The following TESMIN variants were observed in gnomAD, a reference collection of about 807,000 sequenced individuals.
TESMIN encodes testis expressed metallothionein like protein.
In TESMIN, 34 loss-of-function variants were observed where a neutral mutation model predicts 47.4. That is an observed-to-expected ratio of 0.72 (90% CI 0.55 to 0.96). The LOEUF is 0.96. TESMIN is among the 40% of genes least tolerant of loss of function. The pLI is 0.00. For missense variants in TESMIN, 610 were observed against 637.2 expected (o/e 0.96, Z 0.46); for synonymous variants, 278 against 258.9 (o/e 1.07, Z -0.71).
At chr11:68,711,927 C>T (rs1374905163) in intron 8 of TESMIN, among the ~76,000 whole-genome samples, 6 of 152,252 alleles carry the variant, frequency 3.9e-5, no homozygotes, top group African/African-American at 1.2e-4. Flanking sequence ...CAGGGGCTGA[C>T]CAAGAGCTGG....
intron 3 of TESMIN, among the ~76,000 whole-genome samples, chr11:68,746,640 G>C (rs1353559441): frequency 2.0e-5 from 3 of 152,176 alleles, no homozygotes; most frequent in Non-Finnish European, 4.4e-5. Flanking sequence ...TGGAGTCCCA[G>C]ATGCACCACT....
At chr11:68,719,446 G>A (rs548885831) in intron 6 of TESMIN, among the ~76,000 whole-genome samples, 14 of 152,308 alleles carry the variant, frequency 9.2e-5, no homozygotes, top group African/African-American at 3.4e-4. Context: ...TGTGTTGGTA[G>A]GGGTTGGTGT....
At chr11:68,720,113 A>T (rs1287477922) in intron 6 of TESMIN, among the ~76,000 whole-genome samples, 1 of 152,232 alleles carries the variant, frequency 6.6e-6, no homozygotes, top group Non-Finnish European at 1.5e-5. Context: ...CTGTTTTCAA[A>T]GCATTGGCAG....
chr11:68,709,689 G>C (rs1438064580), intron 9 of TESMIN, among the ~76,000 whole-genome samples: 4 of 152,204 alleles, frequency 2.6e-5, no homozygotes, highest in Admixed American at 6.5e-5. Flanking sequence ...CGATGACTTT[G>C]GTTGAAGAAG....
intron 6 of TESMIN, chr11:68,736,897 A>T (rs1367090200): frequency 1.0e-6 from 1 of 985,428 alleles, no homozygotes; most frequent in Admixed American, 6.1e-5. Context: ...AAACGCTGTC[A>T]TGACTGCTGC....
At chr11:68,742,273 A>C in intron 5 of TESMIN, 45 bp downstream of exon 5, 1 of 1,166,708 alleles carries the variant, frequency 8.6e-7, no homozygotes, top group Non-Finnish European at 1.2e-6. Context: ...ATTTTAAGAG[A>C]CAATAATGCA....
chr11:68,721,557 C>T (rs760602421), intron 6 of TESMIN, among the ~76,000 whole-genome samples: 12 of 152,084 alleles, frequency 7.9e-5, no homozygotes, highest in Admixed American at 1.3e-4. Context: ...GGGCAGGGAC[C>T]GTAACTCTCT....
intron 8 of TESMIN, among the ~76,000 whole-genome samples, chr11:68,712,044 T>C (rs1247083417): frequency 6.6e-6 from 1 of 152,236 alleles, no homozygotes; most frequent in Non-Finnish European, 1.5e-5. Context: ...ATGCGTTCTG[T>C]TTCATCTGCA....
At chr11:68,736,085 CACA>C in intron 6 of TESMIN, 1 of 985,298 alleles carries the variant, frequency 1.0e-6, no homozygotes, top group South Asian at 4.7e-5. Context: ...CAAACTACAC[CACA>C]ACAAGATAAC....
chr11:68,747,124 G>A (rs1477872565), intron 3 of TESMIN, 84 bp downstream of exon 3: 1 of 1,456,816 alleles, frequency 6.9e-7, no homozygotes, highest in Non-Finnish European at 9.6e-7. Context: ...TGAAAAACGA[G>A]TGAAATGATC....
chr11:68,750,599 A>G lies in TESMIN; in HGVS notation c.62T>C (p.Leu21Pro), dbSNP rs769482561. ...AGCGAACGGACCCTCGGGGCTTAAGAGCTCCGTCACCATCGCATCCTCGGG... is the reference window on the plus strand; with the variant it reads ...AGCGAACGGACCCTCGGGGCTTAAGGGCTCCGTCACCATCGCATCCTCGGG... ...PSPEDAMVTE[L>P]LSPEGPFASE... The change falls in exon 2 of 10, where the codon CTC becomes CCC. Residue 21 changes from leucine to proline, a missense_variant. Coordinates refer to ENST00000255087, the MANE Select transcript of TESMIN (RefSeq NM_004923.3). The G allele has an allele frequency of 6.9e-5, 111 of 1,601,624 alleles. No individual in the cohort carries two copies. The African/African-American group carries it at 1.4e-3, about 21-fold the overall frequency.
At position 68,707,906 on chromosome 11, in the gene TESMIN, A is replaced by G; in HGVS notation, c.*402T>C. ...AACCATTAGGGTTTTCATGCAGAGC[A>G]GCCTCCAGAGCAACATTCTCTGAGA... On this transcript the variant is annotated 3_prime_UTR_variant, in exon 10 of 10. Transcript: ENST00000255087. 1 of 461,998 alleles carries G rather than the reference A, an allele frequency of 2.2e-6. No individual in the cohort carries two copies. The highest frequency in any genetic ancestry group is 4.3e-6 in the Non-Finnish European group (1 of 231,030). 28.6% of individuals were successfully genotyped at this position (461,998 alleles called of 1,614,324 possible).
At chr11:68,708,770 T>TC (rs1404050408) in intron 9 of TESMIN, among the ~76,000 whole-genome samples, 2 of 151,730 alleles carry the variant, frequency 1.3e-5, no homozygotes, top group Non-Finnish European at 2.9e-5. Flanking sequence ...TTTTTTTTTT[T>TC]TGATACTGAG....
chr11:68,717,000 G>A (rs951905414), intron 6 of TESMIN, among the ~76,000 whole-genome samples: 3 of 152,184 alleles, frequency 2.0e-5, no homozygotes, highest in African/African-American at 7.2e-5. Context: ...TGGGAATCGT[G>A]GTGCTCAGCC....
Position 68,715,931 on chromosome 11 carries a change from T to C in TESMIN, c.926A>G (p.Asp309Gly). ...GCAAAAGTCCCCACTGGCAAAGCAG[T>C]CACAGTACCTGTGAAGGAAAGGACA... is the stretch of plus-strand genomic sequence containing the variant. ...PPKITLAGYC[D>G]CFASGDFCNN... The change falls in exon 7 of 10, where the codon GAC (aspartate) becomes GGC (glycine). Residue 309 changes from aspartate (D) to glycine (G), a missense_variant. By Grantham distance (94) the Asp-to-Gly change is moderately conservative. Transcript: ENST00000255087. The C allele has an allele frequency of 1.2e-6, 2 of 1,608,044 alleles. No homozygotes were observed. The highest frequency in any genetic ancestry group is 3.3e-5 in the Admixed American group (2 of 60,012).
At chr11:68,722,141 A>G (rs1398202301) in intron 6 of TESMIN, among the ~76,000 whole-genome samples, 4 of 152,242 alleles carry the variant, frequency 2.6e-5, no homozygotes, top group African/African-American at 9.6e-5. Context: ...GGCACTTTAG[A>G]AACACTATGC....
At chr11:68,716,033 G>GTTC in intron 6 of TESMIN, 94 bp from the exon 7 acceptor site, 1 of 808,806 alleles carries the variant, frequency 1.2e-6, no homozygotes, top group Non-Finnish European at 2.1e-6. Flanking sequence ...AGCGGGCAGT[G>GTTC]TGCTGCAGTC....
At chr11:68,750,071 T>G in intron 2 of TESMIN, 119 bp downstream of exon 2, 1 of 782,730 alleles carries the variant, frequency 1.3e-6, no homozygotes, top group Non-Finnish European at 1.9e-6. Flanking sequence ...CGGTGGGCTG[T>G]GTGTGGTGTC....
At chr11:68,708,657 C>G (rs1946025419) in intron 9 of TESMIN, among the ~76,000 whole-genome samples, 157 bp from the exon 10 acceptor site, 1 of 152,226 alleles carries the variant, frequency 6.6e-6, no homozygotes, top group African/African-American at 2.4e-5. Context: ...AACTATTAGG[C>G]TGGGCACAGT....
Sources: gnomAD v4.1 joint callset for allele counts (sites outside exome capture counted in the v4.1 genomes callset) on GRCh38, gnomAD v4.1.1 for gene constraint, MANE v1.5 for transcripts, NCBI Gene and HGNC (gene_info 2026-07-23, HGNC 2026-07-21) for gene names.